Variants in EPB41L2 observed in about 807,000 individuals in gnomAD.
EPB41L2 encodes erythrocyte membrane protein band 4.1 like 2.
Under a neutral mutation model 113.0 loss-of-function variants are expected in EPB41L2, and 43 were observed. The observed-to-expected ratio is 0.38, with a 90% CI of 0.30 to 0.49. The LOEUF is 0.49. EPB41L2 is among the 20% of genes least tolerant of loss of function. The probability of loss-of-function intolerance (pLI) is 0.95; values close to 1 mark genes in which losing one functional copy is unlikely to be tolerated. For synonymous variants in EPB41L2, 442 were observed against 436.7 expected (o/e 1.01, Z -0.15); for missense variants, 1,147 against 1,223.4 (o/e 0.94, Z 0.93).
chr6:130,997,485 T>C (rs148796168), intron 1 of EPB41L2, among the ~76,000 whole-genome samples: 116 of 152,244 alleles, frequency 7.6e-4, no homozygotes, highest in Non-Finnish European at 1.2e-3. Context: ...TACGAAGGGA[T>C]CAGGGAACAC....
intron 1 of EPB41L2, among the ~76,000 whole-genome samples, chr6:130,974,850 C>T (rs921570894): frequency 2.7e-5 from 4 of 150,668 alleles, no homozygotes; most frequent in East Asian, 3.9e-4. Context: ...CTCAGGCTCC[C>T]GAGTTCAAGC....
chr6:130,848,217 A>T (rs879742261), intron 19 of EPB41L2, among the ~76,000 whole-genome samples: 1,577 of 150,386 alleles, frequency 0.01, 10 homozygotes, highest in Non-Finnish European at 0.016. Context: ...ACACACACAC[A>T]CACACACACA....
chr6:130,878,299 A>T (rs575468947), intron 13 of EPB41L2, 49 bp from the exon 14 acceptor site: 1 of 1,551,472 alleles, frequency 6.4e-7, no homozygotes, highest in African/African-American at 1.4e-5. Flanking sequence ...AAAGGAAAAA[A>T]CCCAGTAGGA....
chr6:130,844,396 C>T (rs1336046833), intron 19 of EPB41L2, among the ~76,000 whole-genome samples: 2 of 151,726 alleles, frequency 1.3e-5, no homozygotes, highest in Admixed American at 6.6e-5. Flanking sequence ...GGTGAAATCC[C>T]GTCTCTACTA....
chr6:130,857,511 A>G (rs1481277392), intron 19 of EPB41L2, among the ~76,000 whole-genome samples: 1 of 151,264 alleles, frequency 6.6e-6, no homozygotes, highest in Non-Finnish European at 1.5e-5. Flanking sequence ...TACACAGTCA[A>G]AGAAATCTTT....
intron 1 of EPB41L2, among the ~76,000 whole-genome samples, chr6:130,974,075 T>C (rs1777548067): frequency 6.6e-6 from 1 of 152,022 alleles, no homozygotes; most frequent in Non-Finnish European, 1.5e-5. Flanking sequence ...ATAAACTGAA[T>C]TGCATCACCC....
At chr6:131,044,330 A>ATGC (rs1293810642) in intron 1 of EPB41L2, among the ~76,000 whole-genome samples, 1 of 152,104 alleles carries the variant, frequency 6.6e-6, no homozygotes, top group Admixed American at 6.5e-5. Context: ...CCAGCCAATA[A>ATGC]TGCTTTTTTG....
At chr6:130,867,679 C>T (rs530319853) in intron 15 of EPB41L2, 98 bp from the exon 16 acceptor site, 6 of 1,432,200 alleles carry the variant, frequency 4.2e-6, no homozygotes, top group Middle Eastern at 1.8e-4. Flanking sequence ...CATATCCAAA[C>T]ACACACTCAT....
intron 3 of EPB41L2, among the ~76,000 whole-genome samples, chr6:130,930,758 G>GT (rs79124312): frequency 0.017 from 2,594 of 152,152 alleles, 67 homozygotes; most frequent in African/African-American, 0.049. Flanking sequence ...GAGAGACACA[G>GT]TATCAGAATC....
At chr6:130,904,617 G>T in intron 5 of EPB41L2, 77 bp from the exon 6 acceptor site, 1 of 949,846 alleles carries the variant, frequency 1.1e-6, no homozygotes, top group Non-Finnish European at 1.6e-6. Context: ...AAAGGTCAAG[G>T]ATCAAACAGT....
intron 4 of EPB41L2, among the ~76,000 whole-genome samples, chr6:130,910,104 T>C (rs4895899): frequency 0.78 from 119,242 of 152,122 alleles, 47,214 homozygotes; most frequent in East Asian, 1. Context: ...AAGCTGGAGG[T>C]ATCACACTAC....
At chr6:130,924,829 G>A (rs531889580) in intron 4 of EPB41L2, among the ~76,000 whole-genome samples, 1 of 152,160 alleles carries the variant, frequency 6.6e-6, no homozygotes, top group Non-Finnish European at 1.5e-5. Flanking sequence ...TGAGAGTGGA[G>A]ATCCTTATAG....
chr6:130,860,747 G>A (rs113214103), intron 18 of EPB41L2, among the ~76,000 whole-genome samples: 3,794 of 151,874 alleles, frequency 0.025, 175 homozygotes, highest in African/African-American at 0.086. Flanking sequence ...TGTTAGCCAG[G>A]ATGGTCTCGA....
At chr6:130,935,194 C>T (rs1808373801) in intron 3 of EPB41L2, among the ~76,000 whole-genome samples, 1 of 152,190 alleles carries the variant, frequency 6.6e-6, no homozygotes, top group South Asian at 2.1e-4. Flanking sequence ...CTAGAACAGA[C>T]TGCAAAGATA....
At chr6:130,848,584 T>A (rs1777826974) in intron 19 of EPB41L2, among the ~76,000 whole-genome samples, 1 of 152,196 alleles carries the variant, frequency 6.6e-6, no homozygotes, top group African/African-American at 2.4e-5. Flanking sequence ...AAGTGCTCAA[T>A]AGCCACAAGT....
At chr6:130,988,977 T>C (rs1781201271) in intron 1 of EPB41L2, among the ~76,000 whole-genome samples, 1 of 152,218 alleles carries the variant, frequency 6.6e-6, no homozygotes, top group South Asian at 2.1e-4. Flanking sequence ...TAGTCCCAGC[T>C]ACTCAGCAGG....
chr6:131,054,132 G>T (rs1269462305), intron 1 of EPB41L2, among the ~76,000 whole-genome samples: 1 of 152,194 alleles, frequency 6.6e-6, no homozygotes, highest in Non-Finnish European at 1.5e-5. Flanking sequence ...GGGGAACAAG[G>T]CCTGTAGCTA....
rs184162527 is a variant in EPB41L2 at position 131,039,460 on chromosome 6, T to C, written c.-15+23695A>G. Among the ~76,000 whole-genome samples, 4 of 152,350 alleles carry C rather than the reference T, an allele frequency of 2.6e-5. No individual in the cohort carries two copies. In the East Asian group the frequency reaches 5.8e-4, roughly 22 times the overall value. On this transcript the variant is annotated intron_variant, in intron 1 of 19. Transcript: ENST00000337057. Reference sequence around the variant, plus strand: ...AAATAACCAAATAGCGAAACAGTTTTATAGGTAGTAAAAGATCACAGACCA... The same window carrying C: ...AAATAACCAAATAGCGAAACAGTTTCATAGGTAGTAAAAGATCACAGACCA...
chr6:131,056,976 G>A (rs963200187), intron 1 of EPB41L2, among the ~76,000 whole-genome samples: 1 of 151,984 alleles, frequency 6.6e-6, no homozygotes, highest in Non-Finnish European at 1.5e-5. Context: ...AGGTAAATGG[G>A]GGTCAACTAA....
Sources: gnomAD v4.1 joint callset for allele counts (sites outside exome capture counted in the v4.1 genomes callset) on GRCh38, gnomAD v4.1.1 for gene constraint, MANE v1.5 for transcripts, NCBI Gene and HGNC (gene_info 2026-07-23, HGNC 2026-07-21) for gene names.